PKD1L3: variants seen among roughly 807,000 people sequenced by gnomAD.
The protein encoded by PKD1L3 is polycystin 1 like 3, transient receptor potential channel interacting, also known as polycystin-1-like protein 3.
PKD1L3 carries 239 observed loss-of-function variants against 184.1 expected under a neutral mutation model. That is an observed-to-expected ratio of 1.30 (90% CI 1.17 to 1.45). PKD1L3 has a LOEUF of 1.45. Ranked by LOEUF, PKD1L3 falls within the 40% of genes most tolerant of loss-of-function variation. PKD1L3 has a pLI of 0.00. For missense variants in PKD1L3, 2,660 were observed against 2,067.2 expected (o/e 1.29, Z -5.56); for synonymous variants, 996 against 778.8 (o/e 1.28, Z -4.64).
At chr16:71,981,809 G>A (rs934305190) in intron 7 of PKD1L3, among the ~76,000 whole-genome samples, 1 of 152,040 alleles carries the variant, frequency 6.6e-6, no homozygotes, top group African/African-American at 2.4e-5. Flanking sequence ...CCAAAGTGCT[G>A]GGATTACAGG....
chr16:71,976,503 C>T (rs866456404), intron 11 of PKD1L3, among the ~76,000 whole-genome samples: 23 of 151,222 alleles, frequency 1.5e-4, no homozygotes, highest in African/African-American at 4.4e-4. Context: ...GTGATCCACC[C>T]GCCTCAGCCT....
At chr16:71,982,371 T>A (rs2040197046) in intron 6 of PKD1L3, 136 bp from the exon 7 acceptor site, 1 of 707,106 alleles carries the variant, frequency 1.4e-6, no homozygotes, top group East Asian at 3.2e-5. Flanking sequence ...CTGCAACCTC[T>A]GCCTCCCGGG....
chr16:71,980,242 G>A (rs983147327), intron 7 of PKD1L3, 108 bp from the exon 8 acceptor site: 2 of 1,365,958 alleles, frequency 1.5e-6, no homozygotes, highest in Admixed American at 4.5e-5. Flanking sequence ...GTGTTGTAAT[G>A]AAGGGTAGTA....
At chr16:71,932,990 A>G (rs1043043732) in intron 28 of PKD1L3, among the ~76,000 whole-genome samples, 5 of 151,434 alleles carry the variant, frequency 3.3e-5, no homozygotes, top group Admixed American at 1.3e-4. Context: ...CAAAGTCTCT[A>G]TGTTGCCCAG....
At chr16:71,974,697 A>G (rs887134464) in intron 11 of PKD1L3, among the ~76,000 whole-genome samples, 4 of 152,148 alleles carry the variant, frequency 2.6e-5, no homozygotes, top group African/African-American at 4.8e-5. Flanking sequence ...AGAAACAGAA[A>G]CAAAACTGAG....
intron 26 of PKD1L3, among the ~76,000 whole-genome samples, chr16:71,935,132 C>T (rs1157629534): frequency 1.9e-4 from 29 of 152,360 alleles, no homozygotes; most frequent in Non-Finnish European, 2.1e-4. Flanking sequence ...TCCTTAAGCA[C>T]ATACCTAAGC....
chr16:71,932,279 C>T (rs1430926456), intron 28 of PKD1L3, among the ~76,000 whole-genome samples: 1 of 152,158 alleles, frequency 6.6e-6, no homozygotes, highest in Non-Finnish European at 1.5e-5. Context: ...GTCATATCTA[C>T]CCTTTACATA....
intron 24 of PKD1L3, among the ~76,000 whole-genome samples, chr16:71,937,778 C>T (rs967812494): frequency 6.6e-6 from 1 of 152,024 alleles, no homozygotes; most frequent in Non-Finnish European, 1.5e-5. Context: ...TAACGGTATC[C>T]CATGGATACT....
chr16:71,977,561 T>TTCCAC lies in PKD1L3; in HGVS notation c.1528-95_1528-94insGTGGA. The TTCCAC allele has an allele frequency of 4.8e-5, 19 of 392,178 alleles. 2 individuals carry two copies. The highest frequency in any genetic ancestry group is 7.1e-5 in the Non-Finnish European group (18 of 252,620). 24.3% of individuals were successfully genotyped at this position (392,178 alleles called of 1,614,324 possible). ...ATAAGGTAAGGAAACGTCCTAGCTC[T>TTCCAC]TTTTTTTTTTTTTTTTTTTGAGATG... On this transcript the variant is annotated intron_variant, in intron 10 of 29. Coordinates refer to ENST00000620267, the MANE Select transcript of PKD1L3 (RefSeq NM_181536.2).
chr16:71,958,850 G>A (rs1173399129), intron 16 of PKD1L3, among the ~76,000 whole-genome samples: 1 of 149,382 alleles, frequency 6.7e-6, no homozygotes, highest in Non-Finnish European at 1.5e-5. Context: ...ACTTTGGGAG[G>A]GTGAGGCAGG....
chr16:71,938,954 T>C (rs1184100030), intron 24 of PKD1L3, among the ~76,000 whole-genome samples: 1 of 152,218 alleles, frequency 6.6e-6, no homozygotes, highest in Non-Finnish European at 1.5e-5. Flanking sequence ...CACACCCCCT[T>C]GCTTGCCACA....
chr16:71,977,251 T>G lies in PKD1L3; in HGVS notation c.1744A>C (p.Lys582Gln). Residue 582 changes from lysine (K) to glutamine (Q), a missense_variant, in exon 11 of 30, where the codon AAG (lysine) becomes CAG (glutamine). Transcript: ENST00000620267. ...FHLNITLPKD[K>Q]VWQKDEEYTW... ...TGGGTTTTACCTTTTTGCCACACCT[T>G]ATCCTTTGGAAGGGTGATGTTCAGG... The G allele has an allele frequency of 1.3e-6, 2 of 1,529,446 alleles. No individual in the cohort carries two copies. Among genetic ancestry groups the G allele is most frequent in the Non-Finnish European group, 1.8e-6 (2 of 1,126,714 alleles). The allele number at this position is 1,529,446 out of a possible 1,614,324, so 94.7% of individuals were successfully genotyped here.
At position 71,994,065 on chromosome 16, in the gene PKD1L3, C is replaced by A. The variant is rs529008138; in HGVS notation, c.419-733G>T. Among the ~76,000 whole-genome samples, 12 of 152,342 alleles carry A rather than the reference C, an allele frequency of 7.9e-5. No individual in the cohort carries two copies. In the South Asian group the frequency reaches 1.7e-3, roughly 21 times the overall value. Reference sequence around the variant, plus strand: ...GATTACAGGTGTGAGCCACCACGCCCGTCTGGCAATAACATTCTTGAACAT... The same window carrying A: ...GATTACAGGTGTGAGCCACCACGCCAGTCTGGCAATAACATTCTTGAACAT... On this transcript the variant is annotated intron_variant, in intron 2 of 29. Coordinates refer to ENST00000620267, the MANE Select transcript of PKD1L3 (RefSeq NM_181536.2).
chr16:71,968,040 G>T, intron 13 of PKD1L3, 33 bp from the exon 14 acceptor site: 1 of 1,499,184 alleles, frequency 6.7e-7, no homozygotes, highest in Non-Finnish European at 9.1e-7. Context: ...CAACTTACTA[G>T]GCCTCCACTT....
chr16:71,989,585 T>C (rs142764868), intron 4 of PKD1L3, among the ~76,000 whole-genome samples: 83 of 152,366 alleles, frequency 5.4e-4, no homozygotes, highest in Admixed American at 4.7e-3. Context: ...GAGAGATTTC[T>C]TGAAGGTGAA....
At chr16:71,976,252 T>C (rs1225815445) in intron 11 of PKD1L3, among the ~76,000 whole-genome samples, 1 of 143,230 alleles carries the variant, frequency 7.0e-6, no homozygotes, top group Non-Finnish European at 1.5e-5. Flanking sequence ...AGCCACTGAG[T>C]GCCCAGCCTG....
chr16:71,949,866 A>G lies in PKD1L3; in HGVS notation c.3535T>C (p.Leu1179=). ...CAGCTGGTGGCTTGGTCTTTGCTCA[A>G]TTCCAAGCTATAAAGTGCTGTAAAA... is the stretch of plus-strand genomic sequence containing the variant. ...AFFTALYSLE[L]SKDQATSWMI... Residue 1179 remains leucine (L), a synonymous_variant, in exon 21 of 30, where the codon TTG becomes CTG. Coordinates refer to ENST00000620267, the MANE Select transcript of PKD1L3 (RefSeq NM_181536.2). 1 of 1,551,584 alleles carries G rather than the reference A, an allele frequency of 6.4e-7. No individual in the cohort carries two copies. Among genetic ancestry groups the G allele is most frequent in the South Asian group, 1.2e-5 (1 of 84,058 alleles).
intron 2 of PKD1L3, among the ~76,000 whole-genome samples, chr16:71,997,216 T>C (rs1278322236): frequency 2.0e-5 from 3 of 152,200 alleles, no homozygotes; most frequent in Non-Finnish European, 4.4e-5. Context: ...TACATAGTTT[T>C]ACGTGAGCAC....
intron 2 of PKD1L3, among the ~76,000 whole-genome samples, chr16:71,996,203 T>A (rs534560223): frequency 7.0e-4 from 106 of 150,594 alleles, no homozygotes; most frequent in South Asian, 8.4e-4. Flanking sequence ...CATGTCAAAA[T>A]TTTTTTTCAA....
Sources: gnomAD v4.1 joint callset for allele counts (sites outside exome capture counted in the v4.1 genomes callset) on GRCh38, gnomAD v4.1.1 for gene constraint, MANE v1.5 for transcripts, NCBI Gene and HGNC (gene_info 2026-07-23, HGNC 2026-07-21) for gene names.